The following TLN1 variants were observed in gnomAD, a reference collection of about 807,000 sequenced individuals.
TLN1 encodes the protein talin 1, also known as talin-1.
In TLN1, 56 loss-of-function variants were observed where a neutral mutation model predicts 292.3. The ratio of observed to expected loss-of-function variants is 0.19; its 90% CI spans 0.15 to 0.24. The LOEUF is 0.24. Among genes scored for constraint, TLN1 ranks in the 10% least tolerant of loss-of-function variants. The pLI, the probability that TLN1 is intolerant of heterozygous loss-of-function variation, is 1.00. For synonymous variants in TLN1, 1,119 were observed against 1,253.7 expected (o/e 0.89, Z 2.27); for missense variants, 2,433 against 3,248.2 (o/e 0.75, Z 6.10).
At chr9:35,710,246 AAGT>A (rs1040291169) in intron 33 of TLN1, among the ~76,000 whole-genome samples, 2 of 149,868 alleles carry the variant, frequency 1.3e-5, no homozygotes, top group Non-Finnish European at 3.0e-5. Flanking sequence ...AAAAAAAAGA[AAGT>A]AGTAATAACA....
In TLN1 at chr9:35,719,555, T is replaced by C; in HGVS notation, c.1651A>G (p.Thr551Ala). 1 of 1,614,228 alleles carries C rather than the reference T, an allele frequency of 6.2e-7. No individual in the cohort carries two copies. The highest frequency in any genetic ancestry group is 2.2e-5 in the East Asian group (1 of 44,888). ...TTCACCACAGACGCAGTACCAGCTG[T>C]GATGGCATCTACCTGAGAGTGGATC... ...HEIHSQVDAI[T>A]AGTASVVNLT... Residue 551 changes from threonine (T) to alanine (A), a missense_variant, in exon 15 of 57, where the codon ACA (threonine) becomes GCA (alanine). Thr to Ala is a moderately conservative substitution (Grantham distance 58). Coordinates refer to ENST00000314888, the MANE Select transcript of TLN1 (RefSeq NM_006289.4). The surrounding 1 kb of genome is among the most constrained non-coding windows in gnomAD (Gnocchi z 4.6).
chr9:35,717,137 G>A lies in TLN1; in HGVS notation c.2458+9C>T. The A allele has an allele frequency of 2.5e-6, 4 of 1,588,492 alleles. No homozygotes were observed. The highest frequency in any genetic ancestry group is 1.1e-5 in the South Asian group (1 of 89,532). On this transcript the variant is annotated intron_variant, in intron 19 of 56. Coordinates refer to ENST00000314888, the MANE Select transcript of TLN1 (RefSeq NM_006289.4). The surrounding 1 kb of genome is among the most constrained non-coding windows in gnomAD (Gnocchi z 4.7). ...GGGTTTTTTGTTTTCCTGGGGGTGC[G>A]TGTCTTACCAGCATCACCCATGGAG... is the stretch of plus-strand genomic sequence containing the variant.
intron 48 of TLN1, among the ~76,000 whole-genome samples, chr9:35,700,826 A>C (rs1205404064): frequency 6.6e-6 from 1 of 152,200 alleles, no homozygotes; most frequent in Non-Finnish European, 1.5e-5. Context: ...AAAGTCATAA[A>C]ATATTTTGAT....
chr9:35,715,283 G>A (rs1452700892), intron 20 of TLN1, 96 bp from the exon 21 acceptor site: 3 of 1,482,026 alleles, frequency 2.0e-6, no homozygotes, highest in Non-Finnish European at 2.7e-6. Flanking sequence ...TAAAATTCAT[G>A]TATTTTCCTG....
At chr9:35,722,805 G>C (rs1357094947) in intron 8 of TLN1, 56 bp downstream of exon 8, 4 of 1,581,378 alleles carry the variant, frequency 2.5e-6, no homozygotes, top group Non-Finnish European at 3.5e-6. Flanking sequence ...TAGTCAGTAA[G>C]ATTAAGCAGC....
Position 35,704,592 on chromosome 9 carries a change from G to C in TLN1, c.5880+77C>G. 2 of 1,595,930 alleles carry C rather than the reference G, an allele frequency of 1.3e-6. No homozygotes were observed. The highest frequency in any genetic ancestry group is 1.7e-6 in the Non-Finnish European group (2 of 1,169,708). ...GGAGAAGTGACAACAGGAGAGGGCT[G>C]AGAGGGCTGGAGGAGGATGGCAAAG... On this transcript the variant is annotated intron_variant, in intron 44 of 56. Coordinates refer to ENST00000314888, the MANE Select transcript of TLN1 (RefSeq NM_006289.4). This position sits in a 1 kb window ranked among gnomAD's most constrained non-coding sequence, Gnocchi z 6.9.
In TLN1 at chr9:35,724,458, G is replaced by C; in HGVS notation, c.511+114C>G. 2 of 1,558,078 alleles carry C rather than the reference G, an allele frequency of 1.3e-6. No homozygotes were observed. Among genetic ancestry groups the C allele is most frequent in the Non-Finnish European group, 1.7e-6 (2 of 1,144,964 alleles). ...GTAAGTCCCATGAGTGTAGGACTTT[G>C]TTTTCTCACTGATGTATCCCCAGGG... On this transcript the variant is annotated intron_variant, in intron 5 of 56. Coordinates refer to ENST00000314888, the MANE Select transcript of TLN1 (RefSeq NM_006289.4). The surrounding 1 kb of genome is among the most constrained non-coding windows in gnomAD (Gnocchi z 4.7).
At position 35,717,611 on chromosome 9, in the gene TLN1, G is replaced by T. The variant is rs959385046; in HGVS notation, c.2163+8C>A. The T allele has an allele frequency of 6.2e-6, 10 of 1,604,440 alleles. No homozygotes were observed. The highest frequency in any genetic ancestry group is 3.3e-4 in the Middle Eastern group (2 of 6,030). Reference sequence around the variant, plus strand: ...TCAGCACGGACTAGAGCAACCTTTGGGGCTCACCTTAGTACAGGCCACTAG... The same window carrying T: ...TCAGCACGGACTAGAGCAACCTTTGTGGCTCACCTTAGTACAGGCCACTAG... On this transcript the variant is annotated splice_region_variant and intron_variant, in intron 18 of 56. Coordinates refer to ENST00000314888, the MANE Select transcript of TLN1 (RefSeq NM_006289.4). The surrounding 1 kb of genome is among the most constrained non-coding windows in gnomAD (Gnocchi z 4.7).
rs769082652 is a variant in TLN1, at chr9:35,717,690, G to A, written c.2092C>T (p.Leu698Phe). 3 of 1,614,150 alleles carry A rather than the reference G, an allele frequency of 1.9e-6. No individual in the cohort carries two copies. Among genetic ancestry groups the A allele is most frequent in the East Asian group, 2.2e-5 (1 of 44,876 alleles). ...GCTGCAGCAATAACTTGGGTCTGAA[G>A]TCCCGAGTCCTCTGTCCGCTGGGCC... is the stretch of plus-strand genomic sequence containing the variant. Reference protein sequence around the residue: ...SVAQRTEDSGLQTQVIAAATQ... With the variant: ...SVAQRTEDSGFQTQVIAAATQ... Residue 698 changes from leucine to phenylalanine, a missense_variant, in exon 18 of 57, where the codon CTT becomes TTT. Leu to Phe is a conservative substitution (Grantham distance 22). This residue lies in a region of TLN1 where 617 missense variants were observed against 770.6 expected (regional missense o/e 0.80). Coordinates refer to ENST00000314888, the MANE Select transcript of TLN1 (RefSeq NM_006289.4). This position sits in a 1 kb window ranked among gnomAD's most constrained non-coding sequence, Gnocchi z 4.7.
Position 35,714,924 on chromosome 9 carries a change from A to G in TLN1, c.2755-48T>C. On this transcript the variant is annotated intron_variant, in intron 21 of 56. Coordinates refer to ENST00000314888, the MANE Select transcript of TLN1 (RefSeq NM_006289.4). The surrounding 1 kb of genome is among the most constrained non-coding windows in gnomAD (Gnocchi z 4.6). ...ACCAAGCCCATGGATTCCCATGCCC[A>G]GCCCAGTCCCTGGCCTACCTTGCCC... The G allele has an allele frequency of 1.2e-6, 2 of 1,603,730 alleles. No homozygotes were observed. The highest frequency in any genetic ancestry group is 1.7e-6 in the Non-Finnish European group (2 of 1,174,876).
At position 35,719,545 on chromosome 9, in the gene TLN1, G is replaced by A. The variant is rs1447341848; in HGVS notation, c.1661C>T (p.Thr554Ile). 2.5e-6 allele frequency: 4 copies of A among 1,614,146 alleles called. No individual in the cohort carries two copies. Among genetic ancestry groups the A allele is most frequent in the Non-Finnish European group, 2.5e-6 (3 of 1,179,988 alleles). Residue 554 changes from threonine (T) to isoleucine (I), a missense_variant, in exon 15 of 57, where the codon ACT becomes ATT. This residue lies in a region of TLN1 where 617 missense variants were observed against 770.6 expected (regional missense o/e 0.80). Transcript: ENST00000314888. This position sits in a 1 kb window ranked among gnomAD's most constrained non-coding sequence, Gnocchi z 4.6. ...TGCTGTCAGGTTCACCACAGACGCAGTACCAGCTGTGATGGCATCTACCTG... is the reference window on the plus strand; with the variant it reads ...TGCTGTCAGGTTCACCACAGACGCAATACCAGCTGTGATGGCATCTACCTG... ...HSQVDAITAG[T>I]ASVVNLTAGD...
intron 11 of TLN1, 52 bp from the exon 12 acceptor site, chr9:35,720,561 T>G: frequency 1.3e-6 from 2 of 1,564,950 alleles, no homozygotes; most frequent in South Asian, 1.1e-5. Flanking sequence ...AAGAGGGAAG[T>G]GGAGAAAAGG....
intron 27 of TLN1, among the ~76,000 whole-genome samples, chr9:35,712,502 G>A (rs1455108304): frequency 2.0e-5 from 3 of 152,158 alleles, no homozygotes; most frequent in African/African-American, 4.8e-5. Context: ...TCAAAAATTA[G>A]CTGGGTGTGG....
Position 35,698,319 on chromosome 9 carries a change from T to C in TLN1, c.7371+4A>G. 6.2e-7 allele frequency: 1 copy of C among 1,613,988 alleles called. No homozygotes were observed. The highest frequency in any genetic ancestry group is 8.5e-7 in the Non-Finnish European group (1 of 1,179,888). On this transcript the variant is annotated splice_donor_region_variant and intron_variant, in intron 55 of 56. Transcript: ENST00000314888. The surrounding 1 kb of genome is among the most constrained non-coding windows in gnomAD (Gnocchi z 5.3). ...GGGACAATGGGATGGGTCAGGGTTC[T>C]CACCTGAAGTCGTTTCATTGCCTCC...
intron 26 of TLN1, 39 bp downstream of exon 26, chr9:35,713,157 C>T (rs551510460): frequency 1.3e-6 from 2 of 1,581,982 alleles, no homozygotes; most frequent in South Asian, 2.2e-5. Flanking sequence ...TCCTACCTCC[C>T]TCACAATATG....
chr9:35,714,932 C>A lies in TLN1; in HGVS notation c.2755-56G>T. ...CATGGATTCCCATGCCCAGCCCAGT[C>A]CCTGGCCTACCTTGCCCAGGTTATG... On this transcript the variant is annotated intron_variant, in intron 21 of 56. Transcript: ENST00000314888. The surrounding 1 kb of genome is among the most constrained non-coding windows in gnomAD (Gnocchi z 4.6). The A allele has an allele frequency of 6.2e-7, 1 of 1,604,164 alleles. No homozygotes were observed. Among genetic ancestry groups the A allele is most frequent in the Non-Finnish European group, 8.5e-7 (1 of 1,174,834 alleles).
chr9:35,717,669 C>T lies in TLN1; in HGVS notation c.2113G>A (p.Ala705Thr), dbSNP rs749380014. 6.2e-7 allele frequency: 1 copy of T among 1,614,110 alleles called. No homozygotes were observed. Among genetic ancestry groups the T allele is most frequent in the Admixed American group, 1.7e-5 (1 of 60,024 alleles). ...GTGGATAGGGCACACTGTGTTGCTGCAGCAATAACTTGGGTCTGAAGTCCC... is the reference window on the plus strand; with the variant it reads ...GTGGATAGGGCACACTGTGTTGCTGTAGCAATAACTTGGGTCTGAAGTCCC... ...DSGLQTQVIAAATQCALSTSQ... is the reference protein window; with the variant it reads ...DSGLQTQVIATATQCALSTSQ... The change falls in exon 18 of 57, where the codon GCA becomes ACA. Residue 705 changes from alanine to threonine, a missense_variant. By Grantham distance (58) the Ala-to-Thr change is moderately conservative. Around this residue, in one of 7 missense-constraint regions of TLN1, gnomAD observed 617 missense variants for 770.6 expected, o/e 0.80. Coordinates refer to ENST00000314888, the MANE Select transcript of TLN1 (RefSeq NM_006289.4). The surrounding 1 kb of genome is among the most constrained non-coding windows in gnomAD (Gnocchi z 4.7).
Position 35,719,152 on chromosome 9 carries a change from C to G in TLN1, c.1818G>C (p.Arg606=). The part of the protein sequence containing the change: ...ALLEDEGGSG[R]PLLQAAKGLA... The stretch of plus-strand genomic sequence containing the variant: ...GGCCCTTTGCTGCCTGCAACAGGGG[C>G]CGACCACTGCCGCCTTCGTCCTCCA... Residue 606 remains arginine, a synonymous_variant, in exon 16 of 57, where the codon CGG becomes CGC. Coordinates refer to ENST00000314888, the MANE Select transcript of TLN1 (RefSeq NM_006289.4). The surrounding 1 kb of genome is among the most constrained non-coding windows in gnomAD (Gnocchi z 4.6). 1 of 1,614,162 alleles carries G rather than the reference C, an allele frequency of 6.2e-7. No homozygotes were observed. The highest frequency in any genetic ancestry group is 8.5e-7 in the Non-Finnish European group (1 of 1,180,020).
Position 35,720,238 on chromosome 9 carries a change from T to C in TLN1, c.1284-19A>G. ...TGTTGACCTGTAGAGGGGTGAACTA[T>C]TGAGCTCACAGAGGACTCCTCATCT... On this transcript the variant is annotated intron_variant, in intron 12 of 56. Transcript: ENST00000314888. The C allele has an allele frequency of 1.9e-6, 3 of 1,562,524 alleles. No homozygotes were observed. Among genetic ancestry groups the C allele is most frequent in the South Asian group, 1.2e-5 (1 of 82,470 alleles).
Sources: gnomAD v4.1 joint callset for allele counts (sites outside exome capture counted in the v4.1 genomes callset) on GRCh38, gnomAD v4.1.1 for gene constraint, gnomAD v4.1.1 regional missense constraint, Gnocchi (gnomAD v3.1) non-coding constraint, MANE v1.5 for transcripts, NCBI Gene and HGNC (gene_info 2026-07-23, HGNC 2026-07-21) for gene names.